WWOX: variants seen among roughly 807,000 people sequenced by gnomAD.
WWOX encodes the protein WW domain-containing oxidoreductase.
Under a neutral mutation model 46.2 loss-of-function variants are expected in WWOX, and 69 were observed. The ratio of observed to expected loss-of-function variants is 1.49; its 90% CI spans 1.23 to 1.82. WWOX has a LOEUF of 1.82. Among genes scored for constraint, WWOX ranks in the 40% most tolerant of loss-of-function variants. WWOX has a pLI of 0.00. For synonymous variants in WWOX, 359 were observed against 202.6 expected, an observed-to-expected ratio of 1.77 and a Z score of -6.56; for missense variants, 919 against 542.6, an observed-to-expected ratio of 1.69 and a Z score of -6.89.
chr16:78,727,614 C>G (rs990507174), intron 8 of WWOX, among the ~76,000 whole-genome samples: 2 of 152,174 alleles, frequency 1.3e-5, no homozygotes, highest in Non-Finnish European at 2.9e-5. Context: ...GAAACATTCC[C>G]TTCGATTCTT....
chr16:78,322,696 T>A (rs1489877891), intron 5 of WWOX, among the ~76,000 whole-genome samples: 1 of 152,240 alleles, frequency 6.6e-6, no homozygotes, highest in Non-Finnish European at 1.5e-5. Context: ...AAAGTTACTC[T>A]GTGGAGCAGG....
intron 8 of WWOX, among the ~76,000 whole-genome samples, chr16:78,841,924 GATCTA>G (rs1354432689): frequency 2.6e-5 from 4 of 152,140 alleles, no homozygotes; most frequent in Non-Finnish European, 5.9e-5. Context: ...TGAGTATCCT[GATCTA>G]ATTAATGCAC....
intron 8 of WWOX, among the ~76,000 whole-genome samples, chr16:78,816,115 C>G (rs28489196): frequency 0.052 from 7,964 of 152,182 alleles, 697 homozygotes; most frequent in African/African-American, 0.18. Context: ...AATAAATACT[C>G]CCCAAAATGA....
chr16:79,004,186 C>G (rs143060289), intron 8 of WWOX: 2 of 152,208 alleles, frequency 1.3e-5, no homozygotes, highest in Admixed American at 6.5e-5. Flanking sequence ...TTTGTTTGAT[C>G]TAGTCCCTGT....
chr16:78,153,763 A>C lies in WWOX; in HGVS notation c.410-10420A>C, dbSNP rs143726270. On this transcript the variant is annotated intron_variant, in intron 4 of 8. Coordinates refer to ENST00000566780, the MANE Select transcript of WWOX (RefSeq NM_016373.4). ...AAGCCCCAACTCCTTTGGGCGTCTT[A>C]ATAAAAATGATAATTAAAACCATAA... Among the ~76,000 whole-genome samples the C allele has an allele frequency of 3.0e-4, 46 of 152,316 alleles. No homozygotes were observed. The East Asian group carries it at 8.7e-3, about 29-fold the overall frequency.
At chr16:79,165,367 G>A (rs2050573581) in intron 8 of WWOX, among the ~76,000 whole-genome samples, 1 of 152,066 alleles carries the variant, frequency 6.6e-6, no homozygotes, top group South Asian at 2.1e-4. Context: ...AAACAACATG[G>A]GCTTTAGAGC....
chr16:78,415,010 A>G (rs1351001242), intron 6 of WWOX, among the ~76,000 whole-genome samples: 1 of 151,558 alleles, frequency 6.6e-6, no homozygotes, highest in African/African-American at 2.4e-5. Flanking sequence ...TAGGCAGAGC[A>G]GCAACTTTGG....
chr16:78,526,606 C>G (rs879407440), intron 8 of WWOX: 1 of 152,174 alleles, frequency 6.6e-6, no homozygotes, highest in East Asian at 1.9e-4. Context: ...AGGACACATT[C>G]TTGTCCTAGA....
chr16:78,260,012 C>T (rs898785377), intron 5 of WWOX, among the ~76,000 whole-genome samples: 1 of 151,300 alleles, frequency 6.6e-6, no homozygotes. Flanking sequence ...TCCTAGATCC[C>T]GTGCCTTCTG....
chr16:78,680,577 A>G lies in WWOX; in HGVS notation c.1056+247825A>G, dbSNP rs1001797096. On this transcript the variant is annotated intron_variant, in intron 8 of 8. Transcript: ENST00000566780. ...GTAGAGCTGGGCTATCCAATACTTGAAGGTAGCCAGTGGACACGTGGGGCC... is the reference window on the plus strand; with the variant it reads ...GTAGAGCTGGGCTATCCAATACTTGGAGGTAGCCAGTGGACACGTGGGGCC... Among the ~76,000 whole-genome samples, 4 of 152,300 alleles carry G rather than the reference A, an allele frequency of 2.6e-5. No individual in the cohort carries two copies. In the East Asian group the frequency reaches 7.7e-4, roughly 29 times the overall value.
At chr16:78,685,338 T>A (rs191913506) in intron 8 of WWOX, among the ~76,000 whole-genome samples, 101 of 152,292 alleles carry the variant, frequency 6.6e-4, no homozygotes, top group Admixed American at 1.8e-3. Context: ...ACTTTCATTC[T>A]GTGATTTTTT....
chr16:78,898,263 C>T (rs1366602455), intron 8 of WWOX: 2 of 152,106 alleles, frequency 1.3e-5, no homozygotes, highest in East Asian at 3.8e-4. Flanking sequence ...CTAGACACTC[C>T]ATAACTTCAA....
chr16:78,965,659 A>T (rs570235308), intron 8 of WWOX, among the ~76,000 whole-genome samples: 1 of 151,910 alleles, frequency 6.6e-6, no homozygotes, highest in African/African-American at 2.4e-5. Context: ...TCTGGCATAA[A>T]CTATGTTACT....
intron 8 of WWOX, among the ~76,000 whole-genome samples, chr16:79,067,829 G>A (rs766284691): frequency 6.6e-5 from 10 of 152,134 alleles, no homozygotes; most frequent in African/African-American, 1.4e-4. Context: ...ACAGTGTTGC[G>A]AGTCATCTGC....
rs1555522039 is a variant in WWOX at position 78,716,731 on chromosome 16, A to AG, written c.1056+283980dup. On this transcript the variant is annotated intron_variant, in intron 8 of 8. Coordinates refer to ENST00000566780, the MANE Select transcript of WWOX (RefSeq NM_016373.4). ...AGAGATTTTCTTAGAGGTGTGGAAC[A>AG]GAAAAAAAAGCGTCTCTATTCGAAT... 9.5e-4 allele frequency among the ~76,000 whole-genome samples: 144 copies of AG among 152,142 alleles called. 1 individual carries two copies. The highest frequency in any genetic ancestry group is 3.1e-3 in the African/African-American group (128 of 41,550).
intron 8 of WWOX, among the ~76,000 whole-genome samples, chr16:78,818,909 G>C (rs2051417637): frequency 6.6e-6 from 1 of 152,230 alleles, no homozygotes. Context: ...CGGCTTAAGA[G>C]CAGAGTCAGG....
intron 8 of WWOX, among the ~76,000 whole-genome samples, chr16:79,194,506 C>T (rs1351972154): frequency 2.0e-5 from 3 of 152,138 alleles, no homozygotes; most frequent in Admixed American, 6.5e-5. Flanking sequence ...TTTGTAAGGA[C>T]ACAAGTGGTT....
chr16:79,033,365 A>G (rs997631125), intron 8 of WWOX, among the ~76,000 whole-genome samples: 1 of 149,598 alleles, frequency 6.7e-6, no homozygotes, highest in Non-Finnish European at 1.5e-5. Context: ...TACATAATAT[A>G]TAATAGACTC....
intron 8 of WWOX, among the ~76,000 whole-genome samples, chr16:79,013,844 C>T (rs1014679531): frequency 7.2e-5 from 11 of 152,166 alleles, no homozygotes; most frequent in Admixed American, 5.9e-4. Context: ...TTCTACTTTT[C>T]ATTCTCGCTC....
Sources: allele counts gnomAD v4.1 joint callset (sites outside exome capture counted in the v4.1 genomes callset), GRCh38; gene constraint gnomAD v4.1.1; transcripts MANE v1.5; gene names NCBI Gene and HGNC (gene_info 2026-07-23, HGNC 2026-07-21).